TRIM5: variants seen among roughly 807,000 people sequenced by gnomAD.
The protein encoded by TRIM5 is tripartite motif-containing protein 5.
In TRIM5, 31 loss-of-function variants were observed where a neutral mutation model predicts 35.6. That is an observed-to-expected ratio of 0.87 (90% CI 0.65 to 1.18). TRIM5 has a LOEUF of 1.18. Among genes scored for constraint, TRIM5 ranks in the 50% most tolerant of loss-of-function variants. The pLI, the probability that TRIM5 is intolerant of heterozygous loss-of-function variation, is 0.00. For missense variants in TRIM5, 609 were observed against 591.6 expected (o/e 1.03, Z -0.31); for synonymous variants, 243 against 215.6 (o/e 1.13, Z -1.11).
chr11:5,610,647 G>A, the TRIM5 span: 3 of 1,572,600 alleles, frequency 1.9e-6, no homozygotes, highest in South Asian at 3.6e-5. Context: ...ACAGATCCTA[G>A]GTGTTGATGC....
chr11:5,678,435 C>A lies in TRIM5; in HGVS notation c.514-1G>T. On this transcript the variant is annotated splice_acceptor_variant, in intron 3 of 7. Coordinates refer to ENST00000380034, the MANE Select transcript of TRIM5 (RefSeq NM_033034.3). LOFTEE classifies it high-confidence loss of function. ...TGGTTTTGTCATACTGTATTTGAGT[C>A]TTCAGAGATAAGAGAAGAGAAAGGG... 1 of 1,518,440 alleles carries A rather than the reference C, an allele frequency of 6.6e-7. No individual in the cohort carries two copies. The highest frequency in any genetic ancestry group is 1.3e-5 in the South Asian group (1 of 75,164). The allele number at this position is 1,518,440 out of a possible 1,614,324, so 94.1% of individuals were successfully genotyped here. A position where few individuals can be genotyped will look rare whatever the true frequency, so the allele number is the denominator to read the frequency against.
chr11:5,657,596 TATA>T, the TRIM5 span, among the ~76,000 whole-genome samples: 2 of 98,610 alleles, frequency 2.0e-5, no homozygotes, highest in African/African-American at 8.9e-5. Context: ...ATGCATTATA[TATA>T]ATATATATTT....
chr11:5,662,101 TC>T (rs1405594014), downstream of TRIM5, among the ~76,000 whole-genome samples: 5 of 152,206 alleles, frequency 3.3e-5, no homozygotes, highest in Non-Finnish European at 5.9e-5. Flanking sequence ...CTCCTCGGTT[TC>T]CCTGGATGGT....
At chr11:5,596,897 G>A in the TRIM5 span, 1 of 1,614,086 alleles carries the variant, frequency 6.2e-7, no homozygotes. Flanking sequence ...TCATTCCCCA[G>A]ATGTGCGGGT....
the TRIM5 span, among the ~76,000 whole-genome samples, chr11:5,653,758 G>A: frequency 6.6e-6 from 1 of 151,950 alleles, no homozygotes; most frequent in Non-Finnish European, 1.5e-5. Flanking sequence ...CCCAAAGTGT[G>A]AGGATTACAG....
intron 4 of TRIM5, among the ~76,000 whole-genome samples, chr11:5,677,304 G>T (rs1416793557): frequency 2.1e-4 from 31 of 150,080 alleles, no homozygotes; most frequent in East Asian, 3.9e-4. Context: ...GACATGAACA[G>T]ACACTTCTCA....
At chr11:5,629,915 C>T in the TRIM5 span, among the ~76,000 whole-genome samples, 1 of 152,156 alleles carries the variant, frequency 6.6e-6, no homozygotes, top group Admixed American at 6.5e-5. Flanking sequence ...ACCTTGTTAG[C>T]CAGGATGGTC....
the TRIM5 span, among the ~76,000 whole-genome samples, chr11:5,645,203 C>T: frequency 5.3e-5 from 8 of 151,884 alleles, no homozygotes; most frequent in Non-Finnish European, 1.2e-4. Context: ...ACTGGCCTGG[C>T]CAAAATTGCA....
At chr11:5,604,372 C>T in the TRIM5 span, among the ~76,000 whole-genome samples, 1 of 152,104 alleles carries the variant, frequency 6.6e-6, no homozygotes, top group Non-Finnish European at 1.5e-5. Context: ...GTTTTCATCC[C>T]ATGTATATAT....
chr11:5,625,422 C>T, the TRIM5 span, among the ~76,000 whole-genome samples: 1 of 152,268 alleles, frequency 6.6e-6, no homozygotes, highest in Non-Finnish European at 1.5e-5. Context: ...CAGAAGATCT[C>T]TTATTTTCCA....
the TRIM5 span, chr11:5,604,533 G>A: frequency 6.2e-7 from 1 of 1,609,238 alleles, no homozygotes; most frequent in South Asian, 1.1e-5. Flanking sequence ...TTTTCTTCAA[G>A]GAGAAGTTTC....
the TRIM5 span, chr11:5,642,656 T>C: frequency 2.2e-6 from 3 of 1,379,870 alleles, no homozygotes; most frequent in South Asian, 2.9e-5. Flanking sequence ...GATGCATTTA[T>C]ATGTAAGGAA....
chr11:5,634,528 CACATATAT>C, the TRIM5 span: 3 of 536,634 alleles, frequency 5.6e-6, no homozygotes, highest in Non-Finnish European at 5.7e-6. Context: ...CACACACACA[CACATATAT>C]ATATATATAT....
At chr11:5,620,576 C>G in the TRIM5 span, among the ~76,000 whole-genome samples, 1 of 152,094 alleles carries the variant, frequency 6.6e-6, no homozygotes, top group Non-Finnish European at 1.5e-5. Flanking sequence ...ACTGGAAGTT[C>G]CTGGTATTCT....
At chr11:5,632,025 G>C in the TRIM5 span, among the ~76,000 whole-genome samples, 1 of 152,140 alleles carries the variant, frequency 6.6e-6, no homozygotes, top group Non-Finnish European at 1.5e-5. Context: ...AAGTATAAAC[G>C]AAAGTCATGC....
At chr11:5,611,498 G>A in the TRIM5 span, 447 of 696,290 alleles carry the variant, frequency 6.4e-4, 7 homozygotes, top group South Asian at 8.4e-3. Context: ...CTGTCGCCCA[G>A]GCTGGAGTGC....
Position 5,663,605 on chromosome 11 carries a change from A to G in TRIM5, c.*1204T>C, listed in dbSNP as rs1850913501. The G allele has an allele frequency of 1.0e-6, 1 of 953,476 alleles. No individual in the cohort carries two copies. The highest frequency in any genetic ancestry group is 6.2e-5 in the Admixed American group (1 of 16,220). 59.1% of individuals were successfully genotyped at this position (953,476 alleles called of 1,614,324 possible). A position where few individuals can be genotyped will look rare whatever the true frequency, so the allele number is the denominator to read the frequency against. ...TTATTTTTTCACAATGATCCAAAGT[A>G]TTAGATGAAGGTTTTTTGTTTTATT... On this transcript the variant is annotated 3_prime_UTR_variant, in exon 8 of 8. Transcript: ENST00000380034.
At chr11:5,607,059 C>G in the TRIM5 span, among the ~76,000 whole-genome samples, 1 of 152,094 alleles carries the variant, frequency 6.6e-6, no homozygotes, top group East Asian at 1.9e-4. Flanking sequence ...AAAAAATTAG[C>G]CGGGCGTGGT....
chr11:5,667,726 G>C lies in TRIM5; in HGVS notation c.745-15C>G. ...CCATCCACACCCTAGGAAGAAGAGA[G>C]AAAACATCAATTAAGAAAGAAAGAG... On this transcript the variant is annotated splice_polypyrimidine_tract_variant and intron_variant, in intron 4 of 7. Transcript: ENST00000380034. The C allele has an allele frequency of 6.2e-7, 1 of 1,612,786 alleles. No individual in the cohort carries two copies. Among genetic ancestry groups the C allele is most frequent in the Non-Finnish European group, 8.5e-7 (1 of 1,179,580 alleles).
Sources: allele counts gnomAD v4.1 joint callset (sites outside exome capture counted in the v4.1 genomes callset), GRCh38; gene constraint gnomAD v4.1.1; transcripts MANE v1.5; gene names NCBI Gene and HGNC (gene_info 2026-07-23, HGNC 2026-07-21).